The following TMEM74 variants were observed in gnomAD, a reference collection of about 807,000 sequenced individuals.
TMEM74 encodes the protein transmembrane protein 74.
TMEM74 carries 13 observed loss-of-function variants against 18.1 expected under a neutral mutation model. That is an observed-to-expected ratio of 0.72 (90% CI 0.47 to 1.14). The LOEUF is 1.14. TMEM74 is among the 50% of genes most tolerant of loss of function. TMEM74 has a pLI of 0.00. For missense variants in TMEM74, 372 were observed against 375.9 expected (o/e 0.99, Z 0.09); for synonymous variants, 159 against 146.6 (o/e 1.08, Z -0.61).
intron 2 of TMEM74, among the ~76,000 whole-genome samples, chr8:108,634,500 T>C (rs895059410): frequency 6.6e-6 from 1 of 151,988 alleles, no homozygotes; most frequent in Non-Finnish European, 1.5e-5. Flanking sequence ...TGTTGTAACT[T>C]TCTGAGACAT....
At chr8:108,621,715 T>C (rs1307203390) in intron 2 of TMEM74, among the ~76,000 whole-genome samples, 2 of 152,154 alleles carry the variant, frequency 1.3e-5, no homozygotes, top group South Asian at 4.1e-4. Flanking sequence ...TGGAGGTAGC[T>C]CTGCATTCAA....
intron 1 of TMEM74, among the ~76,000 whole-genome samples, chr8:108,751,350 A>G (rs1475816773): frequency 6.6e-6 from 1 of 152,166 alleles, no homozygotes; most frequent in African/African-American, 2.4e-5. Context: ...CCACATAGCT[A>G]TAAATACACT....
rs115126984 is a variant in TMEM74 at position 108,736,746 on chromosome 8, C to G, written n.119+50730G>C. 1.8e-3 allele frequency among the ~76,000 whole-genome samples: 280 copies of G among 152,180 alleles called. 4 individuals are homozygous for G. Among genetic ancestry groups the G allele is most frequent in the African/African-American group, 6.2e-3 (258 of 41,528 alleles). On this transcript the variant is annotated intron_variant and non_coding_transcript_variant, in intron 1 of 3. Coordinates refer to the TMEM74 transcript ENST00000518838. Reference sequence around the variant, plus strand: ...GGAATTTTAAGCCTTGAAAAACTTTCACCACACCTCTATTTACCATATACA... The same window carrying G: ...GGAATTTTAAGCCTTGAAAAACTTTGACCACACCTCTATTTACCATATACA...
At chr8:108,643,040 A>G (rs1394927452) in intron 2 of TMEM74, among the ~76,000 whole-genome samples, 1 of 152,216 alleles carries the variant, frequency 6.6e-6, no homozygotes, top group Non-Finnish European at 1.5e-5. Flanking sequence ...ATGGGAATAT[A>G]ACAATGTAAA....
At chr8:108,662,187 A>G (rs1812906793) in intron 1 of TMEM74, among the ~76,000 whole-genome samples, 1 of 151,980 alleles carries the variant, frequency 6.6e-6, no homozygotes, top group Non-Finnish European at 1.5e-5. Flanking sequence ...AAAGTTGAGG[A>G]GGTGGTGGAG....
chr8:108,657,877 T>TATATATATATATATTAATTAC (rs1554630286), intron 1 of TMEM74, among the ~76,000 whole-genome samples: 11 of 70,892 alleles, frequency 1.6e-4, no homozygotes, highest in South Asian at 5.1e-4. Flanking sequence ...TATATATATA[T>TATATATATATATATTAATTAC]ATATATATAT....
intron 2 of TMEM74, among the ~76,000 whole-genome samples, chr8:108,609,333 G>A (rs1037200649): frequency 2.3e-5 from 3 of 129,368 alleles, no homozygotes; most frequent in South Asian, 2.4e-4. Flanking sequence ...TAAGTTTAAC[G>A]TGTTTAAGTT....
rs573709543 is a variant in TMEM74, at chr8:108,779,487, C to T, written c.*4694G>A. ...ATAACAATTCACGGTAAAATAATTT[C>T]CAAATATCTCACACTCTCATGAGCC... is the stretch of plus-strand genomic sequence containing the variant. On this transcript the variant is annotated 3_prime_UTR_variant, in exon 2 of 2. Transcript: ENST00000297459. Among the ~76,000 whole-genome samples the T allele has an allele frequency of 1.3e-5, 2 of 152,162 alleles. No individual in the cohort carries two copies. The highest frequency in any genetic ancestry group is 4.1e-4 in the South Asian group (2 of 4,824).
intron 1 of TMEM74, among the ~76,000 whole-genome samples, chr8:108,750,481 TG>T (rs1813893214): frequency 6.6e-6 from 1 of 151,994 alleles, no homozygotes; most frequent in Admixed American, 6.6e-5. Flanking sequence ...CTAGGAATGT[TG>T]GGTGATGGTT....
intron 2 of TMEM74, among the ~76,000 whole-genome samples, chr8:108,638,110 T>G (rs1454282809): frequency 1.3e-5 from 2 of 152,166 alleles, no homozygotes; most frequent in Non-Finnish European, 2.9e-5. Flanking sequence ...AAAGTAGAAC[T>G]GTGGGAAGGG....
At chr8:108,683,736 T>A (rs1331267835) in intron 1 of TMEM74, among the ~76,000 whole-genome samples, 1 of 152,052 alleles carries the variant, frequency 6.6e-6, no homozygotes, top group African/African-American at 2.4e-5. Flanking sequence ...TTTATTATGA[T>A]TAAACATTTA....
chr8:108,633,205 C>A (rs775823336), intron 2 of TMEM74, among the ~76,000 whole-genome samples: 3 of 151,874 alleles, frequency 2.0e-5, no homozygotes, highest in Non-Finnish European at 4.4e-5. Context: ...TATACTTGTT[C>A]TTTCCCCAAG....
chr8:108,627,169 A>G (rs1684414637), intron 2 of TMEM74, among the ~76,000 whole-genome samples: 1 of 152,036 alleles, frequency 6.6e-6, no homozygotes, highest in African/African-American at 2.4e-5. Context: ...CAAGGTTGCA[A>G]AACTACTATA....
At chr8:108,650,837 A>T (rs1010630312) in intron 2 of TMEM74, among the ~76,000 whole-genome samples, 6 of 152,160 alleles carry the variant, frequency 3.9e-5, no homozygotes, top group African/African-American at 1.4e-4. Flanking sequence ...CAGCCTCCTG[A>T]GTAGCTGGGA....
At chr8:108,722,938 C>T (rs10100726) in intron 1 of TMEM74, among the ~76,000 whole-genome samples, 53,978 of 152,006 alleles carry the variant, frequency 0.36, 10,430 homozygotes, top group East Asian at 0.51. Context: ...CCTTTGTTTA[C>T]TCCTCAGTGC....
chr8:108,671,765 A>G (rs895880221), intron 1 of TMEM74, among the ~76,000 whole-genome samples: 1 of 152,148 alleles, frequency 6.6e-6, no homozygotes, highest in Non-Finnish European at 1.5e-5. Context: ...ACAAACTATG[A>G]TTGAAAAAAA....
At chr8:108,776,251 G>A (rs930862839), downstream of TMEM74, among the ~76,000 whole-genome samples, 2 of 152,190 alleles carry the variant, frequency 1.3e-5, no homozygotes, top group South Asian at 2.1e-4. Flanking sequence ...CCAACACTTC[G>A]GGCAGCCGAG....
At chr8:108,778,652 A>G (rs1814264432), downstream of TMEM74, among the ~76,000 whole-genome samples, 1 of 152,212 alleles carries the variant, frequency 6.6e-6, no homozygotes, top group Admixed American at 6.5e-5. Flanking sequence ...CAGCACTTAT[A>G]TATAATAAGG....
intron 3 of TMEM74, among the ~76,000 whole-genome samples, chr8:108,608,291 A>C (rs1023607336): frequency 2.9e-5 from 4 of 137,408 alleles, no homozygotes; most frequent in Non-Finnish European, 4.7e-5. Context: ...ACAGAGCAAG[A>C]CTCTGTCAAA....
Sources: allele counts gnomAD v4.1 joint callset (sites outside exome capture counted in the v4.1 genomes callset), GRCh38; gene constraint gnomAD v4.1.1; transcripts MANE v1.5; gene names NCBI Gene and HGNC (gene_info 2026-07-23, HGNC 2026-07-21).